The following NRN1 variants were observed in gnomAD, a reference collection of about 807,000 sequenced individuals.
NRN1 encodes neuritin 1.
Under a neutral mutation model 15.0 loss-of-function variants are expected in NRN1, and 4 were observed. That is an observed-to-expected ratio of 0.27 (90% CI 0.13 to 0.61). The LOEUF is 0.61. Ranked by LOEUF, NRN1 falls within the 20% of genes least tolerant of loss-of-function variation. The pLI is 0.87. For synonymous variants in NRN1, 85 were observed against 79.8 expected (o/e 1.07, Z -0.35); for missense variants, 134 against 181.9 (o/e 0.74, Z 1.51).
In NRN1 at chr6:5,999,072, G is replaced by A. The variant is rs946028022; in HGVS notation, c.333C>T (p.Cys111=). The A allele has an allele frequency of 4.3e-6, 7 of 1,613,958 alleles. No individual in the cohort carries two copies. Among genetic ancestry groups the A allele is most frequent in the Admixed American group, 1.7e-5 (1 of 60,004 alleles). The stretch of plus-strand genomic sequence containing the variant: ...ACCCCGCCGCCCCGTTGCCGCTGCC[G>A]CAGAGTTCGAATAAGCTGCCTTGGA... ...LNIQGSLFEL[C]GSGNGAAGSL... The change falls in exon 3 of 3, where the codon TGC becomes TGT. Residue 111 remains cysteine (C), a synonymous_variant. Coordinates refer to ENST00000244766, the MANE Select transcript of NRN1 (RefSeq NM_016588.3).
intron 1 of NRN1, chr6:6,004,090 C>T: frequency 9.5e-7 from 1 of 1,056,706 alleles, no homozygotes; most frequent in Non-Finnish European, 1.1e-6. Context: ...GCAGGAAGAG[C>T]GAGGCGGGCC....
intron 1 of NRN1, chr6:6,003,778 A>C (rs1758032021): frequency 3.2e-6 from 4 of 1,234,122 alleles, no homozygotes; most frequent in East Asian, 6.3e-5. Flanking sequence ...CTGAGTGCCT[A>C]GCGGCCCAAA....
chr6:6,003,117 G>A lies in NRN1; in HGVS notation c.56-620C>T, dbSNP rs758641719. ...GAATGAACGAATATAGTCCCTGGAA[G>A]CCACCAGCAGTTACCGAAATGGATT... On this transcript the variant is annotated intron_variant, in intron 1 of 2. Coordinates refer to ENST00000244766, the MANE Select transcript of NRN1 (RefSeq NM_016588.3). 55 of 1,022,776 alleles carry A rather than the reference G, an allele frequency of 5.4e-5. No individual in the cohort carries two copies. In the Admixed American group the frequency reaches 1.1e-3, roughly 21 times the overall value. 63.4% of individuals were successfully genotyped at this position (1,022,776 alleles called of 1,614,324 possible).
At chr6:6,006,645 G>T in intron 1 of NRN1, 50 bp downstream of exon 1, 1 of 1,589,096 alleles carries the variant, frequency 6.3e-7, no homozygotes, top group Non-Finnish European at 8.6e-7. Context: ...TCGGGCCGGG[G>T]CAGGCTGCCT....
chr6:6,004,361 A>G (rs1464782220), intron 1 of NRN1, among the ~76,000 whole-genome samples: 1 of 152,022 alleles, frequency 6.6e-6, no homozygotes, highest in African/African-American at 2.4e-5. Flanking sequence ...TCACAAATAC[A>G]GCTTTGCAGA....
At chr6:6,006,940 A>G, upstream of NRN1, 2 of 149,730 alleles carry the variant, frequency 1.3e-5, no homozygotes, top group South Asian at 2.1e-4. Context: ...AGAGAGAGAA[A>G]GAGAGAGAGA....
At position 5,998,893 on chromosome 6, in the gene NRN1, C is replaced by T. The variant is rs986446336; in HGVS notation, c.*83G>A. ...GCATCACAGAGAATCACAACGTCCC[C>T]AAAGAACTAATGGATCTTCCTCTCG... is the stretch of plus-strand genomic sequence containing the variant. On this transcript the variant is annotated 3_prime_UTR_variant, in exon 3 of 3. Coordinates refer to ENST00000244766, the MANE Select transcript of NRN1 (RefSeq NM_016588.3). 2.1e-6 allele frequency: 2 copies of T among 942,676 alleles called. No homozygotes were observed. The highest frequency in any genetic ancestry group is 1.6e-5 in the African/African-American group (1 of 61,158). The allele number at this position is 942,676 out of a possible 1,614,324, so 58.4% of individuals were successfully genotyped here. A position where few individuals can be genotyped will look rare whatever the true frequency, so the allele number is the denominator to read the frequency against.
Position 6,002,366 on chromosome 6 carries a change from T to G in NRN1, c.187A>C (p.Lys63Gln). The change falls in exon 2 of 3, where the codon AAG becomes CAG. Residue 63 changes from lysine (K) to glutamine (Q), a missense_variant. Physicochemically the swap from Lys to Gln is moderately conservative, Grantham distance 53. Transcript: ENST00000244766. Reference sequence around the variant, plus strand: ...GAGGACACTTACGTGCACACGGTCTTGATGTTCGTCTTGTCGTCCAGGCCC... The same window carrying G: ...GAGGACACTTACGTGCACACGGTCTGGATGTTCGTCTTGTCGTCCAGGCCC... ...PQGLDDKTNI[K>Q]TVCTYWEDFH... The G allele has an allele frequency of 6.2e-7, 1 of 1,614,208 alleles. No individual in the cohort carries two copies. Among genetic ancestry groups the G allele is most frequent in the Non-Finnish European group, 8.5e-7 (1 of 1,180,024 alleles).
intron 1 of NRN1, among the ~76,000 whole-genome samples, chr6:6,006,173 G>A (rs1758104670): frequency 6.6e-6 from 1 of 152,014 alleles, no homozygotes; most frequent in Admixed American, 6.5e-5. Flanking sequence ...TGCGGTGCCC[G>A]TGCAAACGCT....
At chr6:6,000,275 C>T (rs895516692) in intron 2 of NRN1, among the ~76,000 whole-genome samples, 2 of 152,206 alleles carry the variant, frequency 1.3e-5, no homozygotes, top group African/African-American at 4.8e-5. Flanking sequence ...CCTAGACCCA[C>T]CCCCACAACC....
chr6:6,006,860 G>A lies in NRN1; in HGVS notation c.-111C>T. The A allele has an allele frequency of 2.3e-6, 2 of 865,996 alleles. No individual in the cohort carries two copies. The highest frequency in any genetic ancestry group is 3.3e-5 in the African/African-American group (2 of 60,178). 53.6% of individuals were successfully genotyped at this position (865,996 alleles called of 1,614,324 possible). A position where few individuals can be genotyped will look rare whatever the true frequency, so the allele number is the denominator to read the frequency against. On this transcript the variant is annotated 5_prime_UTR_variant, in exon 1 of 3. Transcript: ENST00000244766. Reference sequence around the variant, plus strand: ...GCCAACAAGTTCCGGGAGCGACAGAGACTTTATGCACTGGGAAGGCAGAGG... The same window carrying A: ...GCCAACAAGTTCCGGGAGCGACAGAAACTTTATGCACTGGGAAGGCAGAGG...
intron 2 of NRN1, among the ~76,000 whole-genome samples, chr6:6,001,458 G>A (rs2151032262): frequency 6.6e-6 from 1 of 152,318 alleles, no homozygotes; most frequent in South Asian, 2.1e-4. Flanking sequence ...CAGGTCCACT[G>A]CAGTAGGGCT....
At chr6:6,006,939 AAGAGAGAG>A (rs1191480334), upstream of NRN1, 1 of 203,948 alleles carries the variant, frequency 4.9e-6, no homozygotes, top group African/African-American at 3.0e-5. Flanking sequence ...GAGAGAGAGA[AAGAGAGAG>A]AGAGAGAGAG....
intron 2 of NRN1, among the ~76,000 whole-genome samples, chr6:6,001,855 AGAG>A (rs1206890087): frequency 2.0e-5 from 3 of 152,206 alleles, no homozygotes; most frequent in African/African-American, 7.2e-5. Context: ...TGGACAGAAG[AGAG>A]GAGTGACTTT....
chr6:5,999,262 C>T (rs1463200986), intron 2 of NRN1, 58 bp from the exon 3 acceptor site: 3 of 1,476,086 alleles, frequency 2.0e-6, no homozygotes, highest in South Asian at 1.1e-5. Flanking sequence ...CCGGGAACAC[C>T]CCGGGCTTGC....
In NRN1 at chr6:5,998,104, T is replaced by C. The variant is rs988939132; in HGVS notation, c.*872A>G. 3 of 152,114 alleles carry C rather than the reference T, an allele frequency of 2.0e-5. No individual in the cohort carries two copies. Among genetic ancestry groups the C allele is most frequent in the African/African-American group, 4.8e-5 (2 of 41,436 alleles). The allele number at this position is 152,114 out of a possible 1,614,324, so 9.4% of individuals were successfully genotyped here. A position where few individuals can be genotyped will look rare whatever the true frequency, so the allele number is the denominator to read the frequency against. ...TTTTTAAATTACATCTCTCTCTCTT[T>C]TTTTTTTAAAATCAAGGCTCTTTTA... On this transcript the variant is annotated 3_prime_UTR_variant, in exon 3 of 3. Transcript: ENST00000244766.
Position 6,004,096 on chromosome 6 carries a change from G to A in NRN1, c.56-1599C>T, listed in dbSNP as rs559355307. The A allele has an allele frequency of 1.5e-4, 153 of 1,036,736 alleles. No homozygotes were observed. The African/African-American group carries it at 2.4e-3, about 17-fold the overall frequency. 64.2% of individuals were successfully genotyped at this position (1,036,736 alleles called of 1,614,324 possible). ...CAAATTGCTGCAGGAAGAGCGAGGC[G>A]GGCCTTGCGCTTTTTAATCCGGAAC... is the stretch of plus-strand genomic sequence containing the variant. On this transcript the variant is annotated intron_variant, in intron 1 of 2. Coordinates refer to ENST00000244766, the MANE Select transcript of NRN1 (RefSeq NM_016588.3).
chr6:6,003,535 C>T (rs1040717022), intron 1 of NRN1, among the ~76,000 whole-genome samples: 3 of 152,210 alleles, frequency 2.0e-5, no homozygotes, highest in Admixed American at 6.5e-5. Flanking sequence ...GGGCTCCTGG[C>T]CCCAGCTCAG....
Position 6,002,388 on chromosome 6 carries a change from G to A in NRN1, c.165C>T (p.Gly55=), listed in dbSNP as rs1440891044. The change falls in exon 2 of 3, where the codon GGC becomes GGT. Residue 55 remains glycine, a synonymous_variant. Coordinates refer to ENST00000244766, the MANE Select transcript of NRN1 (RefSeq NM_016588.3). ...LGDSMANYPQ[G]LDDKTNIKTV... is the part of the protein sequence containing the mutation. Reference sequence around the variant, plus strand: ...TCTTGATGTTCGTCTTGTCGTCCAGGCCCTGCGGGTAGTTGGCCATGCTGT... The same window carrying A: ...TCTTGATGTTCGTCTTGTCGTCCAGACCCTGCGGGTAGTTGGCCATGCTGT... 13 of 1,614,228 alleles carry A rather than the reference G, an allele frequency of 8.1e-6. No individual in the cohort carries two copies. Among genetic ancestry groups the A allele is most frequent in the Non-Finnish European group, 1.1e-5 (13 of 1,180,022 alleles).
Sources: gnomAD v4.1 joint callset for allele counts (sites outside exome capture counted in the v4.1 genomes callset) on GRCh38, gnomAD v4.1.1 for gene constraint, MANE v1.5 for transcripts, NCBI Gene and HGNC (gene_info 2026-07-23, HGNC 2026-07-21) for gene names.